Variants in ITGA8 observed in about 807,000 individuals in gnomAD.
ITGA8 encodes integrin alpha-8.
In ITGA8, 91 loss-of-function variants were observed where a neutral mutation model predicts 142.3. That is an observed-to-expected ratio of 0.64 (90% CI 0.54 to 0.76). The LOEUF (loss-of-function observed/expected upper bound fraction) is 0.76. Among genes scored for constraint, ITGA8 ranks in the 30% least tolerant of loss-of-function variants. ITGA8 has a pLI of 0.00. For synonymous variants in ITGA8, 505 were observed against 485.2 expected (o/e 1.04, Z -0.54); for missense variants, 1,406 against 1,327.7 (o/e 1.06, Z -0.92).
intron 2 of ITGA8, among the ~76,000 whole-genome samples, chr10:15,714,464 G>A (rs1835415410): frequency 6.6e-6 from 1 of 152,198 alleles, no homozygotes; most frequent in Admixed American, 6.5e-5. Context: ...TTGAAGTAAA[G>A]AGGGAAAGAC....
At chr10:15,682,030 T>C (rs1017863432) in intron 4 of ITGA8, among the ~76,000 whole-genome samples, 1 of 152,172 alleles carries the variant, frequency 6.6e-6, no homozygotes, top group Non-Finnish European at 1.5e-5. Flanking sequence ...ATGCCTCATG[T>C]TGGTTGTTGC....
In ITGA8 at chr10:15,683,998, G is replaced by C. The variant is rs1312730581; in HGVS notation, c.568+6C>G. ...ATGTCAGTTTCAAGGAATAAAAGTTGCTTACTGTTCCGGCAAGGAGAGAAC... is the reference window on the plus strand; with the variant it reads ...ATGTCAGTTTCAAGGAATAAAAGTTCCTTACTGTTCCGGCAAGGAGAGAAC... On this transcript the variant is annotated splice_donor_region_variant and intron_variant, in intron 4 of 29. Coordinates refer to ENST00000378076, the MANE Select transcript of ITGA8 (RefSeq NM_003638.3). 8 of 1,613,904 alleles carry C rather than the reference G, an allele frequency of 5.0e-6. No homozygotes were observed. Among genetic ancestry groups the C allele is most frequent in the Non-Finnish European group, 6.8e-6 (8 of 1,179,970 alleles).
intron 25 of ITGA8, among the ~76,000 whole-genome samples, chr10:15,565,117 CT>C (rs1387983209): frequency 1.3e-5 from 2 of 152,198 alleles, no homozygotes; most frequent in African/African-American, 2.4e-5. Context: ...AAATCTCAGA[CT>C]GTGTAATTCT....
rs758794226 is a variant in ITGA8, at chr10:15,531,143, A to AT, written c.2888dup (p.Asn963LysfsTer2). The AT allele has an allele frequency of 2.0e-6, 3 of 1,489,296 alleles. No individual in the cohort carries two copies. Among genetic ancestry groups the AT allele is most frequent in the Admixed American group, 2.4e-5 (1 of 42,054 alleles). 92.3% of individuals were successfully genotyped at this position (1,489,296 alleles called of 1,614,324 possible). ...CCAGGGATGCAAGAGCATAGGGATCATTTTTTCTCTGAAAGTAAAAGTATT... is the reference window on the plus strand; with the variant it reads ...CCAGGGATGCAAGAGCATAGGGATCATTTTTTTCTCTGAAAGTAAAAGTATT... On this transcript the variant is annotated frameshift_variant, in exon 28 of 30. Coordinates refer to ENST00000378076, the MANE Select transcript of ITGA8 (RefSeq NM_003638.3). LOFTEE classifies it high-confidence loss of function.
chr10:15,527,480 G>C (rs1175692952), intron 28 of ITGA8, among the ~76,000 whole-genome samples: 1 of 152,190 alleles, frequency 6.6e-6, no homozygotes, highest in East Asian at 1.9e-4. Flanking sequence ...AGCCAAAAAA[G>C]TGTTCAAATA....
In ITGA8 at chr10:15,572,386, T is replaced by C. The variant is rs570257352; in HGVS notation, c.2479-17A>G. The C allele has an allele frequency of 1.2e-6, 2 of 1,612,056 alleles. No individual in the cohort carries two copies. Among genetic ancestry groups the C allele is most frequent in the Non-Finnish European group, 1.7e-6 (2 of 1,178,742 alleles). ...ATTGTGCAGCTGTAAACAAGTGACA[T>C]GTTATCTAATGACCCAGCAGAAGGC... On this transcript the variant is annotated splice_polypyrimidine_tract_variant and intron_variant, in intron 24 of 29. Transcript: ENST00000378076.
chr10:15,614,081 T>C (rs1833350900), intron 14 of ITGA8, among the ~76,000 whole-genome samples: 1 of 152,238 alleles, frequency 6.6e-6, no homozygotes, highest in African/African-American at 2.4e-5. Context: ...AATATTGCTG[T>C]GAAATATTGC....
At chr10:15,710,855 C>T (rs1227595951) in intron 2 of ITGA8, among the ~76,000 whole-genome samples, 1 of 152,136 alleles carries the variant, frequency 6.6e-6, no homozygotes, top group Non-Finnish European at 1.5e-5. Flanking sequence ...TTTGAATAAA[C>T]CTATTCCTGT....
chr10:15,527,036 G>A (rs2131537504), intron 28 of ITGA8, among the ~76,000 whole-genome samples: 2 of 152,260 alleles, frequency 1.3e-5, no homozygotes, highest in Admixed American at 6.5e-5. Context: ...CTCTATTTAT[G>A]TATCACAAAA....
intron 27 of ITGA8, among the ~76,000 whole-genome samples, chr10:15,535,333 G>T (rs952765389): frequency 6.6e-6 from 1 of 152,212 alleles, no homozygotes; most frequent in Non-Finnish European, 1.5e-5. Flanking sequence ...CACAGGGCAC[G>T]GGACTGGCAG....
chr10:15,550,636 G>C (rs929217325), intron 26 of ITGA8, among the ~76,000 whole-genome samples: 1 of 152,198 alleles, frequency 6.6e-6, no homozygotes, highest in Non-Finnish European at 1.5e-5. Context: ...GGGCATGCTT[G>C]AGAAAGGGAA....
intron 23 of ITGA8, among the ~76,000 whole-genome samples, chr10:15,581,361 A>C (rs1168939601): frequency 6.6e-6 from 1 of 152,242 alleles, no homozygotes; most frequent in Non-Finnish European, 1.5e-5. Context: ...TTAACTCCAC[A>C]GGGGAGAAGG....
intron 20 of ITGA8, among the ~76,000 whole-genome samples, chr10:15,599,049 C>A (rs1833056652): frequency 6.6e-6 from 1 of 151,296 alleles, no homozygotes; most frequent in Non-Finnish European, 1.5e-5. Context: ...TCATATGTCC[C>A]TTGAATTACA....
At chr10:15,572,865 C>G (rs1182463532) in intron 24 of ITGA8, among the ~76,000 whole-genome samples, 1 of 152,154 alleles carries the variant, frequency 6.6e-6, no homozygotes, top group Non-Finnish European at 1.5e-5. Context: ...CACCACAGTT[C>G]ATTTCGAGTG....
chr10:15,523,036 T>C (rs1312367941), intron 28 of ITGA8, among the ~76,000 whole-genome samples: 1 of 152,022 alleles, frequency 6.6e-6, no homozygotes, highest in Non-Finnish European at 1.5e-5. Context: ...AAAATTATTA[T>C]CTTAAGTTCC....
chr10:15,547,044 C>T (rs561309381), intron 27 of ITGA8, among the ~76,000 whole-genome samples: 1 of 151,976 alleles, frequency 6.6e-6, no homozygotes, highest in Admixed American at 6.5e-5. Context: ...ATATTTATAA[C>T]TAGACTCAAA....
chr10:15,616,505 A>T lies in ITGA8; in HGVS notation c.1445+9T>A. The T allele has an allele frequency of 6.2e-7, 1 of 1,601,896 alleles. No homozygotes were observed. The highest frequency in any genetic ancestry group is 1.3e-5 in the African/African-American group (1 of 74,824). On this transcript the variant is annotated intron_variant, in intron 14 of 29. Transcript: ENST00000378076. ...TGAGAAAAACATTTGAATACTACCAACCACATACCTGTAAACAGCGACTTT... is the reference window on the plus strand; with the variant it reads ...TGAGAAAAACATTTGAATACTACCATCCACATACCTGTAAACAGCGACTTT...
chr10:15,549,028 G>A (rs376267846), intron 26 of ITGA8, among the ~76,000 whole-genome samples: 1 of 151,962 alleles, frequency 6.6e-6, no homozygotes, highest in African/African-American at 2.4e-5. Context: ...TGGTTATAAA[G>A]GAGGCTTTTC....
At chr10:15,677,860 A>C (rs770887746) in intron 5 of ITGA8, among the ~76,000 whole-genome samples, 3 of 152,092 alleles carry the variant, frequency 2.0e-5, no homozygotes, top group African/African-American at 7.2e-5. Context: ...ATTTGACTCA[A>C]TTAGGTAAGT....
Sources: allele counts gnomAD v4.1 joint callset (sites outside exome capture counted in the v4.1 genomes callset), GRCh38; gene constraint gnomAD v4.1.1; transcripts MANE v1.5; gene names NCBI Gene and HGNC (gene_info 2026-07-23, HGNC 2026-07-21).